The following ENTREP2 variants were observed in gnomAD, a reference collection of about 807,000 sequenced individuals.
ENTREP2 encodes the protein endosomal transmembrane epsin interactor 2, also known as protein ENTREP2.
the ENTREP2 span, among the ~76,000 whole-genome samples, chr15:29,239,243 G>A: frequency 1.3e-5 from 2 of 152,012 alleles, no homozygotes; most frequent in Non-Finnish European, 2.9e-5. Context: ...GCCACCAAAT[G>A]CTTGTATTTC....
the ENTREP2 span, among the ~76,000 whole-genome samples, chr15:29,667,803 A>G: frequency 6.6e-6 from 1 of 152,094 alleles, no homozygotes; most frequent in Non-Finnish European, 1.5e-5. Flanking sequence ...GCTGTCTTCA[A>G]CATATGTTTT....
At chr15:29,358,172 C>T in the ENTREP2 span, among the ~76,000 whole-genome samples, 3 of 152,244 alleles carry the variant, frequency 2.0e-5, no homozygotes, top group South Asian at 4.1e-4. Context: ...ATATTATATA[C>T]ATGGCCCATG....
chr15:29,626,748 A>G, the ENTREP2 span, among the ~76,000 whole-genome samples: 2 of 152,162 alleles, frequency 1.3e-5, no homozygotes, highest in African/African-American at 4.8e-5. Context: ...TACAAGAAAA[A>G]CGTGAGCTTT....
At chr15:29,303,469 A>AT in the ENTREP2 span, among the ~76,000 whole-genome samples, 4 of 147,306 alleles carry the variant, frequency 2.7e-5, no homozygotes, top group South Asian at 2.2e-4. Flanking sequence ...TCAGCCTTTT[A>AT]TTTTTTTTTT....
chr15:29,300,752 C>A, the ENTREP2 span, among the ~76,000 whole-genome samples: 1 of 152,096 alleles, frequency 6.6e-6, no homozygotes, highest in South Asian at 2.1e-4. Context: ...GCACCTGCCA[C>A]CATGCCCGGC....
At chr15:29,308,831 T>C in the ENTREP2 span, among the ~76,000 whole-genome samples, 1 of 151,956 alleles carries the variant, frequency 6.6e-6, no homozygotes, top group African/African-American at 2.4e-5. Context: ...TTCCTGAAAA[T>C]AGGAGATAAA....
chr15:29,157,800 G>C, the ENTREP2 span, among the ~76,000 whole-genome samples: 1 of 151,102 alleles, frequency 6.6e-6, no homozygotes, highest in Non-Finnish European at 1.5e-5. Flanking sequence ...CGCGATATCG[G>C]CTCACTGCAA....
chr15:29,176,149 G>A, the ENTREP2 span, among the ~76,000 whole-genome samples: 83 of 142,332 alleles, frequency 5.8e-4, no homozygotes, highest in African/African-American at 2.0e-3. Flanking sequence ...ATAACCAGAA[G>A]TAATGTCTCT....
At chr15:29,494,191 G>A in the ENTREP2 span, among the ~76,000 whole-genome samples, 1 of 139,340 alleles carries the variant, frequency 7.2e-6, no homozygotes, top group Non-Finnish European at 1.5e-5. Flanking sequence ...TACGAGTTTG[G>A]AAAGACTATA....
the ENTREP2 span, among the ~76,000 whole-genome samples, chr15:29,439,235 A>C: frequency 2.0e-5 from 3 of 151,654 alleles, no homozygotes; most frequent in Non-Finnish European, 4.4e-5. Context: ...GGAAAGCATC[A>C]GAATGTAAGA....
chr15:29,146,595 G>A, the ENTREP2 span, among the ~76,000 whole-genome samples: 1 of 152,120 alleles, frequency 6.6e-6, no homozygotes, highest in African/African-American at 2.4e-5. Context: ...GAACAAAGCT[G>A]GACCCCTACC....
the ENTREP2 span, among the ~76,000 whole-genome samples, chr15:29,534,436 A>G: frequency 3.3e-5 from 5 of 152,188 alleles, no homozygotes; most frequent in Non-Finnish European, 7.4e-5. Flanking sequence ...GTTCTGAAGA[A>G]TATTTAACAG....
At chr15:29,668,516 C>T in the ENTREP2 span, among the ~76,000 whole-genome samples, 3 of 152,132 alleles carry the variant, frequency 2.0e-5, no homozygotes, top group Non-Finnish European at 4.4e-5. Context: ...CTCAAACGCC[C>T]GTCAACTGAT....
the ENTREP2 span, among the ~76,000 whole-genome samples, chr15:29,624,703 G>A: frequency 6.6e-6 from 1 of 152,150 alleles, no homozygotes; most frequent in African/African-American, 2.4e-5. Flanking sequence ...ACAGGGACTT[G>A]TAAAAATAAG....
chr15:29,276,717 C>T, the ENTREP2 span, among the ~76,000 whole-genome samples: 1 of 152,196 alleles, frequency 6.6e-6, no homozygotes. Flanking sequence ...GATCAGACTC[C>T]TGGAGATAAT....
the ENTREP2 span, among the ~76,000 whole-genome samples, chr15:29,383,562 G>C: frequency 6.6e-6 from 1 of 152,212 alleles, no homozygotes; most frequent in African/African-American, 2.4e-5. Flanking sequence ...GGCACTGGCT[G>C]GAAGGGCTTG....
chr15:29,346,018 A>G, the ENTREP2 span, among the ~76,000 whole-genome samples: 2 of 152,232 alleles, frequency 1.3e-5, no homozygotes, highest in African/African-American at 4.8e-5. Flanking sequence ...TGGGGCACAG[A>G]GAAGCTAACT....
the ENTREP2 span, among the ~76,000 whole-genome samples, chr15:29,464,167 C>A: frequency 6.6e-6 from 1 of 151,848 alleles, no homozygotes; most frequent in Non-Finnish European, 1.5e-5. Context: ...TGCCACTGAA[C>A]CGTACTCTTA....
the ENTREP2 span, among the ~76,000 whole-genome samples, chr15:29,518,118 G>A: frequency 6.6e-6 from 1 of 152,054 alleles, no homozygotes; most frequent in South Asian, 2.1e-4. Flanking sequence ...GAGGAAATGG[G>A]TAACTTGAGC....
Sources: gnomAD v4.1 joint callset for allele counts (sites outside exome capture counted in the v4.1 genomes callset) on GRCh38, gnomAD v4.1.1 for gene constraint, MANE v1.5 for transcripts, NCBI Gene and HGNC (gene_info 2026-07-23, HGNC 2026-07-21) for gene names.